Variants in SGK3 observed in about 807,000 individuals in gnomAD.
SGK3 encodes the protein serine/threonine-protein kinase Sgk3.
SGK3 carries 47 observed loss-of-function variants against 68.5 expected under a neutral mutation model. The observed-to-expected ratio is 0.69, with a 90% CI of 0.54 to 0.87. The LOEUF is 0.87. Among genes scored for constraint, SGK3 ranks in the 40% least tolerant of loss-of-function variants. The probability of loss-of-function intolerance (pLI) is 0.00; values close to 1 mark genes in which losing one functional copy is unlikely to be tolerated. For synonymous variants in SGK3, 181 were observed against 189.1 expected (o/e 0.96, Z 0.35); for missense variants, 479 against 575.5 (o/e 0.83, Z 1.72).
chr8:66,807,743 A>G (rs1182153522), intron 4 of SGK3, among the ~76,000 whole-genome samples: 3 of 152,190 alleles, frequency 2.0e-5, no homozygotes, highest in Non-Finnish European at 2.9e-5. Context: ...AAAAACTGTG[A>G]ATGCATTTTC....
At chr8:66,804,969 C>T (rs947072338) in intron 4 of SGK3, among the ~76,000 whole-genome samples, 1 of 152,088 alleles carries the variant, frequency 6.6e-6, no homozygotes, top group African/African-American at 2.4e-5. Flanking sequence ...GTCCCAGCTA[C>T]TCAGGAGGCT....
At chr8:66,749,620 A>C (rs529157759) in intron 1 of SGK3, among the ~76,000 whole-genome samples, 11 of 152,080 alleles carry the variant, frequency 7.2e-5, no homozygotes, top group Non-Finnish European at 1.6e-4. Context: ...GGAGGATTTG[A>C]GATTGAGATA....
chr8:66,850,672 A>G (rs1306430359), intron 15 of SGK3, among the ~76,000 whole-genome samples, 159 bp from the exon 16 acceptor site: 1 of 152,254 alleles, frequency 6.6e-6, no homozygotes, highest in Non-Finnish European at 1.5e-5. Context: ...TCTATTGCTT[A>G]CATGAATAAC....
At chr8:66,732,122 A>G (rs1349073082) in intron 1 of SGK3, among the ~76,000 whole-genome samples, 1 of 152,168 alleles carries the variant, frequency 6.6e-6, no homozygotes, top group Non-Finnish European at 1.5e-5. Flanking sequence ...CTTGTTTTTC[A>G]TTGGAACAGT....
chr8:66,715,372 C>T (rs1330492429), intron 1 of SGK3, among the ~76,000 whole-genome samples: 1 of 152,148 alleles, frequency 6.6e-6, no homozygotes, highest in Non-Finnish European at 1.5e-5. Flanking sequence ...ATTCTCCTGC[C>T]TCAGCCTCCC....
At chr8:66,766,208 A>G (rs796645798) in intron 1 of SGK3, among the ~76,000 whole-genome samples, 20 of 151,956 alleles carry the variant, frequency 1.3e-4, no homozygotes, top group African/African-American at 4.6e-4. Flanking sequence ...TATATATTCT[A>G]TTTTGGGGTG....
chr8:66,715,513 A>G (rs1353672423), intron 1 of SGK3, among the ~76,000 whole-genome samples: 1 of 152,190 alleles, frequency 6.6e-6, no homozygotes, highest in Admixed American at 6.5e-5. Context: ...TTGGCCTCCC[A>G]AAGTGTTGGG....
chr8:66,835,569 A>G (rs1809488066), intron 8 of SGK3, among the ~76,000 whole-genome samples, 194 bp from the exon 9 acceptor site: 1 of 152,176 alleles, frequency 6.6e-6, no homozygotes, highest in Non-Finnish European at 1.5e-5. Context: ...AGTTTAAAAA[A>G]TCTCAAATAT....
intron 1 of SGK3, among the ~76,000 whole-genome samples, chr8:66,713,816 A>C (rs1804560223): frequency 6.6e-6 from 1 of 152,180 alleles, no homozygotes. Flanking sequence ...ATGTCATTGG[A>C]AGAGCTGTAA....
chr8:66,734,228 C>CTTTTTTTTTTTTTTT (rs529741200), intron 1 of SGK3, among the ~76,000 whole-genome samples: 2 of 104,232 alleles, frequency 1.9e-5, no homozygotes, highest in Admixed American at 1.0e-4. Flanking sequence ...CTTTTTCTTT[C>CTTTTTTTTTTTTTTT]TTTTTTTTTT....
chr8:66,774,949 C>G (rs779086239), intron 1 of SGK3, among the ~76,000 whole-genome samples: 7 of 152,212 alleles, frequency 4.6e-5, no homozygotes, highest in Admixed American at 1.3e-4. Context: ...TCCTTGCCCC[C>G]GCCCAAGGCT....
chr8:66,824,030 G>A (rs564782084), intron 6 of SGK3, among the ~76,000 whole-genome samples: 1 of 152,118 alleles, frequency 6.6e-6, no homozygotes, highest in African/African-American at 2.4e-5. Flanking sequence ...GAATATTACT[G>A]TCCTAGAGCT....
chr8:66,840,856 C>A, intron 12 of SGK3, 168 bp from the exon 13 acceptor site: 1 of 364,684 alleles, frequency 2.7e-6, no homozygotes, highest in Non-Finnish European at 4.8e-6. Flanking sequence ...GCATGAGAAT[C>A]GCTTGAACCC....
At chr8:66,794,088 T>C (rs1359200125) in intron 2 of SGK3, among the ~76,000 whole-genome samples, 1 of 152,242 alleles carries the variant, frequency 6.6e-6, no homozygotes, top group Non-Finnish European at 1.5e-5. Flanking sequence ...TAACAGAAAA[T>C]GTGCATGTGC....
At chr8:66,720,757 C>T (rs182286825) in intron 1 of SGK3, among the ~76,000 whole-genome samples, 1 of 145,658 alleles carries the variant, frequency 6.9e-6, no homozygotes, top group East Asian at 2.0e-4. Context: ...GTGACAAGAG[C>T]AAAACTCTGT....
intron 4 of SGK3, among the ~76,000 whole-genome samples, chr8:66,806,290 T>C (rs1277984256): frequency 2.0e-5 from 3 of 152,200 alleles, no homozygotes; most frequent in South Asian, 2.1e-4. Context: ...TGCAGACTTA[T>C]GTCTTTTTTT....
At chr8:66,779,954 C>T (rs1163233514) in intron 1 of SGK3, among the ~76,000 whole-genome samples, 1 of 151,944 alleles carries the variant, frequency 6.6e-6, no homozygotes, top group Non-Finnish European at 1.5e-5. Flanking sequence ...GCATAAGCAT[C>T]TGTGTTTATC....
intron 1 of SGK3, among the ~76,000 whole-genome samples, chr8:66,751,028 G>A (rs1447417253): frequency 6.6e-6 from 1 of 151,526 alleles, no homozygotes; most frequent in Non-Finnish European, 1.5e-5. Flanking sequence ...GGCCAGGCGC[G>A]GTGGCTTACG....
chr8:66,792,989 T>C (rs1807527025), intron 1 of SGK3, among the ~76,000 whole-genome samples: 1 of 152,242 alleles, frequency 6.6e-6, no homozygotes, highest in African/African-American at 2.4e-5. Context: ...GACATCAGTG[T>C]GACATCTCTA....
Sources: allele counts gnomAD v4.1 joint callset (sites outside exome capture counted in the v4.1 genomes callset), GRCh38; gene constraint gnomAD v4.1.1; transcripts MANE v1.5; gene names NCBI Gene and HGNC (gene_info 2026-07-23, HGNC 2026-07-21).